The following ADAM19 variants were observed in gnomAD, a reference collection of about 807,000 sequenced individuals.
ADAM19 encodes ADAM metallopeptidase domain 19, also known as disintegrin and metalloproteinase domain-containing protein 19.
A neutral mutation model predicts 114.7 loss-of-function variants in ADAM19; 65 were observed. The ratio of observed to expected loss-of-function variants is 0.57; its 90% CI spans 0.46 to 0.70. The LOEUF is 0.70. Among genes scored for constraint, ADAM19 ranks in the 30% least tolerant of loss-of-function variants. The pLI is 0.00. For missense variants in ADAM19, 1,063 were observed against 1,204.7 expected, an observed-to-expected ratio of 0.88 and a Z score of 1.74; for synonymous variants, 466 against 460.5, an observed-to-expected ratio of 1.01 and a Z score of -0.15.
chr5:157,520,096 G>C (rs1234734481), intron 5 of ADAM19, 65 bp from the exon 6 acceptor site: 3 of 1,477,686 alleles, frequency 2.0e-6, no homozygotes, highest in Non-Finnish European at 2.8e-6. Context: ...CCTTGTGTAG[G>C]TCTTAGTTTC....
intron 5 of ADAM19, among the ~76,000 whole-genome samples, chr5:157,530,476 C>A (rs1466986967): frequency 6.6e-6 from 1 of 152,250 alleles, no homozygotes; most frequent in Non-Finnish European, 1.5e-5. Context: ...TGCCGCCCCC[C>A]ATGGCACAGC....
At chr5:157,512,070 C>T (rs1755938852) in intron 8 of ADAM19, among the ~76,000 whole-genome samples, 1 of 152,214 alleles carries the variant, frequency 6.6e-6, no homozygotes, top group African/African-American at 2.4e-5. Flanking sequence ...ACAAGCTTCC[C>T]TTGTTTTCCC....
intron 6 of ADAM19, among the ~76,000 whole-genome samples, chr5:157,519,594 C>A (rs1756212960): frequency 1.3e-5 from 2 of 152,328 alleles, no homozygotes; most frequent in Middle Eastern, 3.4e-3. Context: ...CTTCTTTTCA[C>A]TTTTTAAGCT....
At chr5:157,495,145 T>C (rs893555294) in intron 14 of ADAM19, among the ~76,000 whole-genome samples, 15 of 152,156 alleles carry the variant, frequency 9.9e-5, no homozygotes, top group African/African-American at 3.6e-4. Context: ...CCCACCACCA[T>C]GACTGGCTAA....
chr5:157,563,572 C>T (rs533927882), intron 3 of ADAM19, among the ~76,000 whole-genome samples: 9 of 152,306 alleles, frequency 5.9e-5, no homozygotes, highest in African/African-American at 1.9e-4. Flanking sequence ...CTCCAAGCCA[C>T]GCAGCCTTAT....
chr5:157,571,236 T>C (rs1164771639), intron 1 of ADAM19, among the ~76,000 whole-genome samples: 2 of 152,322 alleles, frequency 1.3e-5, no homozygotes, highest in East Asian at 3.9e-4. Flanking sequence ...CTAAGTACCC[T>C]GAATAAAATA....
At chr5:157,571,189 T>C (rs1430888957) in intron 1 of ADAM19, among the ~76,000 whole-genome samples, 1 of 152,184 alleles carries the variant, frequency 6.6e-6, no homozygotes, top group African/African-American at 2.4e-5. Context: ...CTTGTAAAGG[T>C]GGGAGACAGA....
At chr5:157,495,433 T>C (rs1297274240) in intron 14 of ADAM19, among the ~76,000 whole-genome samples, 2 of 152,216 alleles carry the variant, frequency 1.3e-5, no homozygotes, top group African/African-American at 4.8e-5. Context: ...CATACATGCA[T>C]AATATTTTAA....
chr5:157,564,592 G>A (rs1757601946), intron 2 of ADAM19, 149 bp from the exon 3 acceptor site: 5 of 711,230 alleles, frequency 7.0e-6, no homozygotes, highest in African/African-American at 1.7e-5. Flanking sequence ...CATGTAAAAT[G>A]ACCTCAATCC....
At chr5:157,561,465 C>G (rs565313975) in intron 3 of ADAM19, among the ~76,000 whole-genome samples, 1 of 152,326 alleles carries the variant, frequency 6.6e-6, no homozygotes, top group East Asian at 1.9e-4. Context: ...TGTCCTCTCC[C>G]TCCCCCCAGA....
chr5:157,536,002 A>T (rs10078120), intron 4 of ADAM19, among the ~76,000 whole-genome samples: 4,682 of 152,312 alleles, frequency 0.031, 98 homozygotes, highest in South Asian at 0.075. Flanking sequence ...ACCAAGGGGC[A>T]TTGAAGAATA....
rs1475365619 is a variant in ADAM19, at chr5:157,575,758, G to A, written c.-62C>T. The A allele has an allele frequency of 8.5e-7, 1 of 1,182,560 alleles. No homozygotes were observed. The highest frequency in any genetic ancestry group is 1.6e-5 in the African/African-American group (1 of 62,900). 73.3% of individuals were successfully genotyped at this position (1,182,560 alleles called of 1,614,324 possible). On this transcript the variant is annotated 5_prime_UTR_variant, in exon 1 of 23. Coordinates refer to ENST00000257527, the MANE Select transcript of ADAM19 (RefSeq NM_033274.5). ...CCTCAGCCATACCTGCCCACTGCCC[G>A]GCGGTGGAGGCGCGTCTGGAACCCC...
intron 3 of ADAM19, among the ~76,000 whole-genome samples, chr5:157,555,783 T>C (rs1757351065): frequency 6.6e-6 from 1 of 152,174 alleles, no homozygotes; most frequent in Non-Finnish European, 1.5e-5. Context: ...GAAATCGGTA[T>C]TATTGGGCCA....
intron 3 of ADAM19, among the ~76,000 whole-genome samples, chr5:157,552,886 A>C (rs546897484): frequency 3.9e-5 from 6 of 152,262 alleles, no homozygotes; most frequent in African/African-American, 1.4e-4. Flanking sequence ...ATTTGCAACA[A>C]CATGGATGGA....
chr5:157,539,425 G>C (rs1458721320), intron 3 of ADAM19, among the ~76,000 whole-genome samples: 2 of 152,204 alleles, frequency 1.3e-5, no homozygotes, highest in Non-Finnish European at 1.5e-5. Context: ...CCCAGCAAGA[G>C]AGGGTCATCG....
chr5:157,559,102 T>C (rs897976544), intron 3 of ADAM19, among the ~76,000 whole-genome samples: 2 of 152,192 alleles, frequency 1.3e-5, no homozygotes, highest in Admixed American at 6.5e-5. Flanking sequence ...AACCTCTAAA[T>C]GCCCAAATTC....
At chr5:157,495,136 C>T (rs1755315483) in intron 14 of ADAM19, among the ~76,000 whole-genome samples, 1 of 152,058 alleles carries the variant, frequency 6.6e-6, no homozygotes, top group Admixed American at 6.6e-5. Context: ...TGACAAGCAC[C>T]CACCACCATG....
chr5:157,510,014 T>A (rs1180831263), intron 8 of ADAM19, among the ~76,000 whole-genome samples: 1 of 152,262 alleles, frequency 6.6e-6, no homozygotes, highest in Non-Finnish European at 1.5e-5. Context: ...GTACAATTTT[T>A]TTCTCCCAAT....
chr5:157,542,015 G>A (rs996179531), intron 3 of ADAM19, among the ~76,000 whole-genome samples: 4 of 152,074 alleles, frequency 2.6e-5, no homozygotes, highest in African/African-American at 9.7e-5. Flanking sequence ...TCCTTTCTCT[G>A]GGCCTTTCTC....
Sources: gnomAD v4.1 joint callset for allele counts (sites outside exome capture counted in the v4.1 genomes callset) on GRCh38, gnomAD v4.1.1 for gene constraint, MANE v1.5 for transcripts, NCBI Gene and HGNC (gene_info 2026-07-23, HGNC 2026-07-21) for gene names.